PHF24: variants seen among roughly 807,000 people sequenced by gnomAD.
The protein encoded by PHF24 is PHD finger protein 24.
In PHF24, 25 loss-of-function variants were observed where a neutral mutation model predicts 42.6. The observed-to-expected ratio is 0.59, with a 90% CI of 0.43 to 0.82. The LOEUF (loss-of-function observed/expected upper bound fraction) is 0.82, where lower values mean the gene tolerates loss of function less well. Among genes scored for constraint, PHF24 ranks in the 40% least tolerant of loss-of-function variants. PHF24 has a pLI of 0.00. For synonymous variants in PHF24, 185 were observed against 204.8 expected, an observed-to-expected ratio of 0.90 and a Z score of 0.83; for missense variants, 470 against 538.1, an observed-to-expected ratio of 0.87 and a Z score of 1.25.
the PHF24 span, among the ~76,000 whole-genome samples, chr9:34,820,816 T>A: frequency 6.6e-6 from 1 of 152,334 alleles, no homozygotes; most frequent in South Asian, 2.1e-4. Flanking sequence ...GCCAAACTGC[T>A]TTCCACATGG....
At chr9:34,933,892 G>A in the PHF24 span, among the ~76,000 whole-genome samples, 1 of 151,650 alleles carries the variant, frequency 6.6e-6, no homozygotes, top group South Asian at 2.1e-4. Context: ...TCACAGGTGG[G>A]TGCCACCACA....
the PHF24 span, among the ~76,000 whole-genome samples, chr9:34,732,252 C>T: frequency 6.6e-6 from 1 of 152,072 alleles, no homozygotes; most frequent in Non-Finnish European, 1.5e-5. Context: ...TCTCCACATC[C>T]TTGCCAGCAT....
At chr9:34,940,192 T>A in the PHF24 span, among the ~76,000 whole-genome samples, 224 of 152,068 alleles carry the variant, frequency 1.5e-3, 1 homozygote, top group Non-Finnish European at 2.5e-3. Flanking sequence ...TGCACTAAGA[T>A]AGGGGAGCTA....
Position 34,978,296 on chromosome 9 carries a change from T to C in PHF24, c.*185T>C, listed in dbSNP as rs1827277668. 3 of 590,296 alleles carry C rather than the reference T, an allele frequency of 5.1e-6. No individual in the cohort carries two copies. The East Asian group carries it at 8.5e-5, about 17-fold the overall frequency. 36.6% of individuals were successfully genotyped at this position (590,296 alleles called of 1,614,324 possible). ...CTCACAATAGAGGCAGTGAATGCAT[T>C]GCCACAAGGAGAAGCCCTGGGAGCT... is the stretch of plus-strand genomic sequence containing the variant. On this transcript the variant is annotated 3_prime_UTR_variant, in exon 8 of 8. Transcript: ENST00000242315.
the PHF24 span, among the ~76,000 whole-genome samples, chr9:34,844,860 G>T: frequency 6.6e-6 from 1 of 152,176 alleles, no homozygotes; most frequent in Non-Finnish European, 1.5e-5. Context: ...CATAGTTTAA[G>T]TCCAATGTTT....
At chr9:34,805,941 C>T in the PHF24 span, among the ~76,000 whole-genome samples, 1 of 152,166 alleles carries the variant, frequency 6.6e-6, no homozygotes, top group Admixed American at 6.5e-5. Flanking sequence ...ACAGTTGGCC[C>T]AGCATTGTTT....
chr9:34,666,552 A>T, the PHF24 span, among the ~76,000 whole-genome samples: 15 of 132,598 alleles, frequency 1.1e-4, no homozygotes, highest in South Asian at 2.4e-4. Context: ...TCTTCTTGTG[A>T]TTTTTTTTTT....
the PHF24 span, among the ~76,000 whole-genome samples, chr9:34,796,422 TA>T: frequency 3.3e-5 from 5 of 150,794 alleles, no homozygotes; most frequent in Non-Finnish European, 7.4e-5. Context: ...TTAAAAAATT[TA>T]AAAAAAAACA....
At chr9:34,832,658 A>G in the PHF24 span, 2 of 1,538,846 alleles carry the variant, frequency 1.3e-6, no homozygotes, top group African/African-American at 2.8e-5. Context: ...GAAAACATTT[A>G]ATTTTATTTC....
At chr9:34,909,165 G>T in the PHF24 span, among the ~76,000 whole-genome samples, 1 of 152,064 alleles carries the variant, frequency 6.6e-6, no homozygotes, top group East Asian at 1.9e-4. Context: ...TCTTTTTTAA[G>T]AGATGGGGTC....
At chr9:34,675,105 G>A in the PHF24 span, among the ~76,000 whole-genome samples, 6 of 152,250 alleles carry the variant, frequency 3.9e-5, no homozygotes, top group East Asian at 1.9e-4. Context: ...TGATCCTCCC[G>A]CCTTGGCCTC....
At chr9:34,974,659 C>T (rs1390227886) in intron 3 of PHF24, among the ~76,000 whole-genome samples, 1 of 152,078 alleles carries the variant, frequency 6.6e-6, no homozygotes, top group Non-Finnish European at 1.5e-5. Flanking sequence ...TTTCTCACTG[C>T]GCCCTCTTTG....
chr9:34,936,794 A>G, the PHF24 span, among the ~76,000 whole-genome samples: 9 of 140,560 alleles, frequency 6.4e-5, no homozygotes, highest in Non-Finnish European at 1.2e-4. Context: ...GTCTCTGCCC[A>G]GCCGCCCCGT....
the PHF24 span, among the ~76,000 whole-genome samples, chr9:34,742,682 G>T: frequency 6.6e-6 from 1 of 151,814 alleles, no homozygotes; most frequent in Non-Finnish European, 1.5e-5. Flanking sequence ...CTCCTGCCTT[G>T]GCCTCCCAAA....
chr9:34,824,657 G>A, the PHF24 span, among the ~76,000 whole-genome samples: 1 of 152,194 alleles, frequency 6.6e-6, no homozygotes, highest in Non-Finnish European at 1.5e-5. Context: ...TAAATTTTGT[G>A]TTGGAGGCTG....
At chr9:34,851,568 C>T in the PHF24 span, among the ~76,000 whole-genome samples, 1 of 152,198 alleles carries the variant, frequency 6.6e-6, no homozygotes, top group East Asian at 1.9e-4. Context: ...TGAGGCAATG[C>T]CTCGCCCTGC....
At chr9:34,821,264 T>G in the PHF24 span, among the ~76,000 whole-genome samples, 1 of 152,250 alleles carries the variant, frequency 6.6e-6, no homozygotes, top group East Asian at 1.9e-4. Flanking sequence ...TTTTATGATT[T>G]AAAACATTTT....
the PHF24 span, among the ~76,000 whole-genome samples, chr9:34,810,140 G>C: frequency 6.6e-6 from 1 of 151,940 alleles, no homozygotes; most frequent in East Asian, 1.9e-4. Context: ...TATAGAGTCC[G>C]CCGGCCCCGG....
the PHF24 span, among the ~76,000 whole-genome samples, chr9:34,898,901 A>G: frequency 1.3e-5 from 2 of 151,848 alleles, no homozygotes; most frequent in African/African-American, 4.8e-5. Context: ...TGAAAACTCC[A>G]CTCCAGCAAT....
Sources: allele counts gnomAD v4.1 joint callset (sites outside exome capture counted in the v4.1 genomes callset), GRCh38; gene constraint gnomAD v4.1.1; transcripts MANE v1.5; gene names NCBI Gene and HGNC (gene_info 2026-07-23, HGNC 2026-07-21).